TRPM1: variants seen among roughly 807,000 people sequenced by gnomAD.
TRPM1 encodes TRPM1-203 APA Isoform, Intron 10.
In TRPM1, 113 loss-of-function variants were observed where a neutral mutation model predicts 149.4. That is an observed-to-expected ratio of 0.76 (90% CI 0.65 to 0.88). The LOEUF is 0.88. Among genes scored for constraint, TRPM1 ranks in the 40% least tolerant of loss-of-function variants. TRPM1 has a pLI of 0.00. For synonymous variants in TRPM1, 741 were observed against 759.5 expected, an observed-to-expected ratio of 0.98 and a Z score of 0.40; for missense variants, 1,976 against 2,038.7, an observed-to-expected ratio of 0.97 and a Z score of 0.59.
chr15:31,067,790 T>A (rs2034421518), intron 5 of TRPM1, 89 bp downstream of exon 5: 15 of 1,272,410 alleles, frequency 1.2e-5, no homozygotes, highest in Middle Eastern at 2.6e-4. Context: ...ATATGTTTTG[T>A]TGTCCTTAGT....
At chr15:31,060,696 G>A (rs779896955) in intron 10 of TRPM1, 52 bp from the exon 11 acceptor site, 1 of 1,471,376 alleles carries the variant, frequency 6.8e-7, no homozygotes, top group South Asian at 1.2e-5. Context: ...TGGACCGCCA[G>A]GGTTTGGCAG....
chr15:31,131,895 C>T (rs2036021078), intron 1 of TRPM1, among the ~76,000 whole-genome samples: 2 of 150,884 alleles, frequency 1.3e-5, no homozygotes, highest in South Asian at 4.2e-4. Context: ...TTTTTCCTCA[C>T]ATACTAAAAT....
At chr15:31,089,753 A>G (rs2035174373) in intron 1 of TRPM1, among the ~76,000 whole-genome samples, 1 of 152,194 alleles carries the variant, frequency 6.6e-6, no homozygotes, top group East Asian at 1.9e-4. Flanking sequence ...GACTTGTAAT[A>G]GGTTAGTATC....
chr15:31,047,999 A>C, intron 13 of TRPM1, 60 bp from the exon 14 acceptor site: 180 of 1,441,886 alleles, frequency 1.2e-4, no homozygotes, highest in Non-Finnish European at 1.6e-4. Flanking sequence ...GCGGTGGCTC[A>C]CGCCTGTAGT....
chr15:31,087,614 G>A (rs1453081999), intron 1 of TRPM1, among the ~76,000 whole-genome samples: 2 of 152,110 alleles, frequency 1.3e-5, no homozygotes, highest in Non-Finnish European at 2.9e-5. Flanking sequence ...CAAGAGGTAG[G>A]AGTAAGCCAG....
intron 3 of TRPM1, among the ~76,000 whole-genome samples, chr15:31,070,899 A>C (rs2034520388): frequency 6.6e-6 from 1 of 152,056 alleles, no homozygotes; most frequent in Non-Finnish European, 1.5e-5. Flanking sequence ...ACATTTCTCC[A>C]CTCAAGTAAT....
intron 2 of TRPM1, among the ~76,000 whole-genome samples, chr15:31,077,612 G>T (rs977900575): frequency 1.3e-5 from 2 of 152,134 alleles, no homozygotes; most frequent in Non-Finnish European, 2.9e-5. Flanking sequence ...GCAGGCTGTG[G>T]GGCAGGGGCC....
chr15:31,041,958 T>C lies in TRPM1; in HGVS notation c.2080A>G (p.Asn694Asp), dbSNP rs769662420. 4.3e-6 allele frequency: 7 copies of C among 1,614,098 alleles called. No homozygotes were observed. The highest frequency in any genetic ancestry group is 5.9e-6 in the Non-Finnish European group (7 of 1,180,012). ...VDDISQDLDN[N>D]SKDFGQLALE... ...TCCCCGCTAGACACTAACTTGGAAT[T>C]GTTATCCAAGTCCTGGGAGATGTCA... Residue 694 changes from asparagine to aspartate, a missense_variant, in exon 17 of 28, where the codon AAT becomes GAT. By Grantham distance (23) the Asn-to-Asp change is conservative. Around this residue, in one of 3 missense-constraint regions of TRPM1, gnomAD observed 1,332 missense variants for 1,347.1 expected, o/e 0.99. Coordinates refer to ENST00000256552, the MANE Select transcript of TRPM1 (RefSeq NM_001252024.2).
intron 1 of TRPM1, among the ~76,000 whole-genome samples, chr15:31,088,608 GAAACGTAGGAAACATCTGAAGGAAC>G (rs2035081926): frequency 1.3e-5 from 2 of 152,192 alleles, no homozygotes; most frequent in Non-Finnish European, 2.9e-5. Context: ...CCGGAAGGAA[GAAACGTAGGAAACATCTGAAGGAAC>G]AAACTGCGGA....
intron 1 of TRPM1, among the ~76,000 whole-genome samples, chr15:31,139,613 C>T (rs1039487448): frequency 3.3e-5 from 5 of 152,094 alleles, no homozygotes; most frequent in East Asian, 3.9e-4. Context: ...CCTTTTTGTT[C>T]GTGTGACTTG....
intron 1 of TRPM1, among the ~76,000 whole-genome samples, chr15:31,110,393 T>C (rs1294126919): frequency 1.3e-5 from 2 of 152,190 alleles, no homozygotes; most frequent in South Asian, 2.1e-4. Flanking sequence ...ATCAATACTT[T>C]TGATTACCGT....
chr15:31,024,791 T>C (rs761019402), intron 27 of TRPM1, among the ~76,000 whole-genome samples: 3 of 152,222 alleles, frequency 2.0e-5, no homozygotes, highest in Admixed American at 1.3e-4. Context: ...AACTTTCTCA[T>C]GAAGAAATAA....
intron 1 of TRPM1, among the ~76,000 whole-genome samples, chr15:31,113,200 TG>T (rs1419690319): frequency 6.6e-6 from 1 of 152,124 alleles, no homozygotes; most frequent in Non-Finnish European, 1.5e-5. Flanking sequence ...AGCTGGTGAA[TG>T]GTAACTCACA....
chr15:31,146,740 A>G (rs1028760516), intron 1 of TRPM1, among the ~76,000 whole-genome samples: 4 of 152,176 alleles, frequency 2.6e-5, no homozygotes, highest in African/African-American at 9.7e-5. Context: ...TATTCCCAGC[A>G]CTTTGGGAGG....
chr15:31,006,298 C>T (rs974455995), intron 27 of TRPM1, among the ~76,000 whole-genome samples: 3 of 152,200 alleles, frequency 2.0e-5, no homozygotes, highest in Non-Finnish European at 4.4e-5. Flanking sequence ...CTGCCTCAGC[C>T]TCCCAAGTAG....
chr15:31,070,058 C>G lies in TRPM1; in HGVS notation c.252G>C (p.Gln84His). 1 of 1,614,212 alleles carries G rather than the reference C, an allele frequency of 6.2e-7. No homozygotes were observed. The highest frequency in any genetic ancestry group is 8.5e-7 in the Non-Finnish European group (1 of 1,180,038). Residue 84 changes from glutamine to histidine, a missense_variant, in exon 4 of 28, where the codon CAG becomes CAC. Gln to His is a conservative substitution (Grantham distance 24). This residue lies in a region of TRPM1 where 1,332 missense variants were observed against 1,347.1 expected (regional missense o/e 0.99). Coordinates refer to ENST00000256552, the MANE Select transcript of TRPM1 (RefSeq NM_001252024.2). The stretch of plus-strand genomic sequence containing the variant: ...TGGCTTTATTGGAATATCCGCCACC[C>G]TGGAATTCAAGAACTCCATAGGAAT... ...PTDSYGVLEF[Q>H]GGGYSNKAMY...
Position 31,002,746 on chromosome 15 carries a change from T to C in TRPM1, c.3954A>G (p.Gly1318=). ...GGAAGGAACAGGTTTTTTTCCTGAC[T>C]CCTGTCCCTGGTGACGTGGAGAGAG... ...DTSLSTSPGT[G]VRKKTCSFRI... The change falls in exon 28 of 28, where the codon GGA becomes GGG. Residue 1318 remains glycine, a synonymous_variant. Transcript: ENST00000256552. The C allele has an allele frequency of 6.2e-7, 1 of 1,614,190 alleles. No homozygotes were observed. The highest frequency in any genetic ancestry group is 8.5e-7 in the Non-Finnish European group (1 of 1,180,016).
At chr15:31,060,965 A>G (rs2034215725) in intron 10 of TRPM1, among the ~76,000 whole-genome samples, 1 of 152,158 alleles carries the variant, frequency 6.6e-6, no homozygotes, top group Non-Finnish European at 1.5e-5. Flanking sequence ...CCAGCCTGAC[A>G]GTGACCCTTC....
rs950117554 is a variant in TRPM1 at position 31,040,788 on chromosome 15, G to A, written c.2088-442C>T. ...TGGCGGGAGGTGGACACTGAAAGGA[G>A]TCACAGGAGGGCTGGTGGGTGCCGG... On this transcript the variant is annotated intron_variant, in intron 17 of 27. Transcript: ENST00000256552. This position sits in a 1 kb window ranked among gnomAD's most constrained non-coding sequence, Gnocchi z 4.2. 1.1e-4 allele frequency among the ~76,000 whole-genome samples: 16 copies of A among 152,200 alleles called. No homozygotes were observed. The highest frequency in any genetic ancestry group is 9.8e-4 in the Admixed American group (15 of 15,288).
Sources: gnomAD v4.1 joint callset for allele counts (sites outside exome capture counted in the v4.1 genomes callset) on GRCh38, gnomAD v4.1.1 for gene constraint, gnomAD v4.1.1 regional missense constraint, Gnocchi (gnomAD v3.1) non-coding constraint, MANE v1.5 for transcripts, NCBI Gene and HGNC (gene_info 2026-07-23, HGNC 2026-07-21) for gene names.